The following BAHCC1 variants were observed in gnomAD, a reference collection of about 807,000 sequenced individuals.
BAHCC1 encodes BAH and coiled-coil domain-containing protein 1.
A neutral mutation model predicts 88.2 loss-of-function variants in BAHCC1; 43 were observed. That is an observed-to-expected ratio of 0.49 (90% confidence interval 0.38 to 0.63). The LOEUF (loss-of-function observed/expected upper bound fraction) is 0.63, where lower values mean the gene tolerates loss of function less well. BAHCC1 is among the 20% of genes least tolerant of loss of function. BAHCC1 has a pLI of 0.00. For synonymous variants in BAHCC1, 1,510 were observed against 745.5 expected (o/e 2.03, Z -16.71); for missense variants, 3,023 against 1,654.8 (o/e 1.83, Z -14.34).
At chr17:81,418,732 A>G (rs1251061571) in intron 2 of BAHCC1, among the ~76,000 whole-genome samples, 1 of 149,456 alleles carries the variant, frequency 6.7e-6, no homozygotes, top group Non-Finnish European at 1.5e-5. Flanking sequence ...AGAGTCTGCC[A>G]AGGTGCGCAC....
At chr17:81,400,186 C>T (rs555969844) in intron 2 of BAHCC1, among the ~76,000 whole-genome samples, 170 of 152,302 alleles carry the variant, frequency 1.1e-3, no homozygotes, top group Non-Finnish European at 1.9e-3. Flanking sequence ...CTTTCCGCGC[C>T]TCGCCACCCT....
chr17:81,462,259 G>C (rs1453208131), intron 26 of BAHCC1, among the ~76,000 whole-genome samples: 6 of 152,246 alleles, frequency 3.9e-5, no homozygotes, highest in African/African-American at 1.4e-4. Context: ...TGGCCTGCGT[G>C]ACAGTAGAAA....
Position 81,447,295 on chromosome 17 carries a change from C to A in BAHCC1, c.3423C>A (p.Pro1141=). The A allele has an allele frequency of 1.4e-6, 1 of 737,362 alleles. No individual in the cohort carries two copies. The allele number at this position is 737,362 out of a possible 1,614,324, so 45.7% of individuals were successfully genotyped here. The change falls in exon 11 of 28, where the codon CCC becomes CCA. Residue 1141 remains proline (P), a synonymous_variant. Transcript: ENST00000675386. The part of the protein sequence containing the change: ...AATPYPTERG[P]QGKAADPSPL... ...CCCCCTACCCTACCGAGCGGGGACC[C>A]CAGGGGAAGGCAGCGGACCCCAGCC...
chr17:81,395,807 CTTT>C (rs11373775), intron 1 of BAHCC1, 172 bp downstream of exon 1: 1 of 148,478 alleles, frequency 6.7e-6, no homozygotes, highest in Non-Finnish European at 1.5e-5. Flanking sequence ...AATGTTGAGG[CTTT>C]TTTTTTTCTT....
intron 2 of BAHCC1, chr17:81,407,209 G>T: frequency 2.5e-6 from 1 of 404,388 alleles, no homozygotes; most frequent in Non-Finnish European, 5.0e-6. Flanking sequence ...CCAGAAATGG[G>T]GGATGGGTGT....
intron 2 of BAHCC1, chr17:81,409,974 C>A (rs983035952): frequency 4.6e-5 from 11 of 237,328 alleles, no homozygotes; most frequent in African/African-American, 2.6e-4. Flanking sequence ...CCCTGCCAAG[C>A]CACCTTGGCT....
rs782104738 is a variant in BAHCC1 at position 81,452,743 on chromosome 17, G to C, written c.4337G>C (p.Ser1446Thr). The change falls in exon 14 of 28, where the codon AGC becomes ACC. Residue 1446 changes from serine (S) to threonine (T), a missense_variant. Ser to Thr is a moderately conservative substitution (Grantham distance 58, BLOSUM62 1). Coordinates refer to ENST00000675386, the MANE Select transcript of BAHCC1 (RefSeq NM_001377448.1). ...CCCAGGAGAGACGAGAGTTCACGGA[G>C]CCCTGCACGGCGGGGGCCTGGCCGG... Reference protein sequence around the residue: ...HDHERDESSRSPARRGPGRPR... With the variant: ...HDHERDESSRTPARRGPGRPR... 2.7e-6 allele frequency: 2 copies of C among 752,304 alleles called. No individual in the cohort carries two copies. Among genetic ancestry groups the C allele is most frequent in the Admixed American group, 1.8e-5 (1 of 54,484 alleles). The allele number at this position is 752,304 out of a possible 1,614,324, so 46.6% of individuals were successfully genotyped here.
chr17:81,416,629 G>A (rs2064035241), intron 2 of BAHCC1, among the ~76,000 whole-genome samples: 1 of 152,026 alleles, frequency 6.6e-6, no homozygotes. Context: ...TGTCCATGAG[G>A]ATGGGTGTAT....
rs1555655025 is a variant in BAHCC1, at chr17:81,447,835, G to A, written c.3963G>A (p.Glu1321=). 2 of 736,136 alleles carry A rather than the reference G, an allele frequency of 2.7e-6. No homozygotes were observed. The highest frequency in any genetic ancestry group is 1.9e-5 in the Admixed American group (1 of 52,828). 45.6% of individuals were successfully genotyped at this position (736,136 alleles called of 1,614,324 possible). ...ADLAIQRQRS[E]RTVPEEEEDV... ...TGGCAATCCAGCGGCAGAGGAGTGA[G>A]AGGACTGTGCCAGGTAAGCCCGGTG... Residue 1321 remains glutamate (E), a synonymous_variant, in exon 11 of 28, where the codon GAG becomes GAA. Transcript: ENST00000675386.
At chr17:81,398,595 ACT>A (rs1416108944) in intron 1 of BAHCC1, among the ~76,000 whole-genome samples, 2 of 97,828 alleles carry the variant, frequency 2.0e-5, no homozygotes, top group Non-Finnish European at 4.3e-5. Context: ...GAGCATTCTG[ACT>A]CTGAAAGCAC....
chr17:81,395,688 T>C (rs1274258399), intron 1 of BAHCC1, 53 bp downstream of exon 1: 1 of 152,166 alleles, frequency 6.6e-6, no homozygotes, highest in Non-Finnish European at 1.5e-5. Flanking sequence ...TTTTTATTAT[T>C]ATTTTATTTT....
At chr17:81,415,831 G>A (rs1392877793) in intron 2 of BAHCC1, among the ~76,000 whole-genome samples, 2 of 152,238 alleles carry the variant, frequency 1.3e-5, no homozygotes, top group South Asian at 2.1e-4. Context: ...ACCTGGGTGC[G>A]GGGACCCCAG....
intron 11 of BAHCC1, among the ~76,000 whole-genome samples, chr17:81,448,298 G>T (rs1224862747): frequency 6.6e-6 from 1 of 152,296 alleles, no homozygotes; most frequent in East Asian, 1.9e-4. Flanking sequence ...CCAGGGGAGG[G>T]GGCAGGAGGC....
In BAHCC1 at chr17:81,465,986, G is replaced by C. The variant is rs1244452261; in HGVS notation, c.*2169G>C. ...CACTGGAGTTCCAGAGAGGGCCGAG[G>C]AGGGTGCAGCCACGGAGGTTGGATC... On this transcript the variant is annotated 3_prime_UTR_variant, in exon 28 of 28. Coordinates refer to ENST00000675386, the MANE Select transcript of BAHCC1 (RefSeq NM_001377448.1). The C allele has an allele frequency of 1.3e-5, 2 of 152,548 alleles. No individual in the cohort carries two copies. The highest frequency in any genetic ancestry group is 2.9e-5 in the Non-Finnish European group (2 of 68,064). 9.4% of individuals were successfully genotyped at this position (152,548 alleles called of 1,614,324 possible).
intron 2 of BAHCC1, among the ~76,000 whole-genome samples, chr17:81,414,687 A>AGGGCCTGGTGTGGCCGTCGGGG (rs2063996859): frequency 6.6e-6 from 1 of 152,096 alleles, no homozygotes; most frequent in African/African-American, 2.4e-5. Flanking sequence ...GGCCGTCGGG[A>AGGGCCTGGTGTGGCCGTCGGGG]GGGCCTGGTG....
rs781813379 is a variant in BAHCC1 at position 81,460,354 on chromosome 17, G to A, written c.5983G>A (p.Val1995Ile). The change falls in exon 24 of 28, where the codon GTC becomes ATC. Residue 1995 changes from valine (V) to isoleucine (I), a missense_variant. Transcript: ENST00000675386. ...CGATGGGGATACAGGCCACATCGCC[G>A]TCTCCAACGTCAGGCTGCTGCCCCC... ...FDDGDTGHIA[V>I]SNVRLLPPDF... 3.4e-5 allele frequency: 26 copies of A among 774,186 alleles called. No homozygotes were observed. The highest frequency in any genetic ancestry group is 2.2e-4 in the Middle Eastern group (1 of 4,452). The allele number at this position is 774,186 out of a possible 1,614,324, so 48.0% of individuals were successfully genotyped here. A position where few individuals can be genotyped will look rare whatever the true frequency, so the allele number is the denominator to read the frequency against.
intron 3 of BAHCC1, 69 bp downstream of exon 3, chr17:81,427,048 G>A (rs1451329933): frequency 2.5e-6 from 1 of 398,366 alleles, no homozygotes; most frequent in Non-Finnish European, 4.4e-6. Flanking sequence ...GCCCGGGCCA[G>A]GGGCAGGTGA....
intron 15 of BAHCC1, among the ~76,000 whole-genome samples, chr17:81,455,944 GTCTGCCCAGGGGGCTGATCCT>G (rs2064740979): frequency 6.6e-6 from 1 of 152,162 alleles, no homozygotes; most frequent in African/African-American, 2.4e-5. Flanking sequence ...TACTTCACCT[GTCTGCCCAGGGGGCTGATCCT>G]TCTGCCCAGA....
intron 11 of BAHCC1, among the ~76,000 whole-genome samples, chr17:81,450,252 G>T (rs2064608942): frequency 2.0e-5 from 3 of 152,022 alleles, no homozygotes; most frequent in African/African-American, 7.3e-5. Context: ...AAGGTGTCTG[G>T]CTCCTGTCTC....
Sources: gnomAD v4.1 joint callset for allele counts (sites outside exome capture counted in the v4.1 genomes callset) on GRCh38, gnomAD v4.1.1 for gene constraint, MANE v1.5 for transcripts, NCBI Gene and HGNC (gene_info 2026-07-23, HGNC 2026-07-21) for gene names.